The following B4GALT5 variants were observed in gnomAD, a reference collection of about 807,000 sequenced individuals.
The protein encoded by B4GALT5 is UDP-Gal:beta-GlcNAc beta-1,4-galactosyltransferase 5.
B4GALT5 carries 11 observed loss-of-function variants against 45.0 expected under a neutral mutation model. The ratio of observed to expected loss-of-function variants is 0.24; its 90% CI spans 0.15 to 0.40. The LOEUF (loss-of-function observed/expected upper bound fraction) is 0.40. B4GALT5 is among the 10% of genes least tolerant of loss of function. The pLI, the probability that B4GALT5 is intolerant of heterozygous loss-of-function variation, is 1.00. For synonymous variants in B4GALT5, 185 were observed against 182.9 expected (o/e 1.01, Z -0.09); for missense variants, 337 against 500.2 (o/e 0.67, Z 3.11).
At chr20:49,659,523 A>T (rs571397040) in intron 1 of B4GALT5, among the ~76,000 whole-genome samples, 2 of 152,356 alleles carry the variant, frequency 1.3e-5, no homozygotes, top group East Asian at 1.9e-4. Context: ...AAATTAACGT[A>T]AACCACATAG....
chr20:49,665,452 A>G (rs866892055), intron 1 of B4GALT5, among the ~76,000 whole-genome samples: 28 of 135,508 alleles, frequency 2.1e-4, no homozygotes, highest in African/African-American at 6.9e-4. Context: ...AATAATAATA[A>G]TAATAATAAT....
intron 1 of B4GALT5, among the ~76,000 whole-genome samples, chr20:49,658,015 T>A (rs1253898709): frequency 6.6e-6 from 1 of 152,054 alleles, no homozygotes; most frequent in Non-Finnish European, 1.5e-5. Context: ...TTAAGGTATA[T>A]CCCAAGCCAT....
intron 1 of B4GALT5, among the ~76,000 whole-genome samples, chr20:49,675,091 G>C (rs2085732000): frequency 6.6e-6 from 1 of 152,238 alleles, no homozygotes. Context: ...GAGGGGATAA[G>C]AGCAGGGGAG....
chr20:49,639,829 CTG>C (rs779071674), intron 6 of B4GALT5, 29 bp from the exon 7 acceptor site: 86 of 1,609,734 alleles, frequency 5.3e-5, no homozygotes, highest in South Asian at 3.6e-4. Flanking sequence ...CATCAATCAT[CTG>C]TGTGTTACAG....
At chr20:49,640,305 T>C (rs2085571317) in intron 6 of B4GALT5, among the ~76,000 whole-genome samples, 173 bp downstream of exon 6, 1 of 152,246 alleles carries the variant, frequency 6.6e-6, no homozygotes, top group Admixed American at 6.5e-5. Context: ...CACGTATCAG[T>C]ATTTCATTGC....
intron 1 of B4GALT5, among the ~76,000 whole-genome samples, chr20:49,676,428 A>G (rs2085737770): frequency 6.6e-6 from 1 of 152,222 alleles, no homozygotes; most frequent in South Asian, 2.1e-4. Flanking sequence ...GTAATTTCTG[A>G]GATTATGTCT....
intron 1 of B4GALT5, among the ~76,000 whole-genome samples, chr20:49,674,747 G>A (rs1188173801): frequency 1.3e-5 from 2 of 151,386 alleles, no homozygotes; most frequent in African/African-American, 2.4e-5. Context: ...TACCTATAAC[G>A]TCCTATAATG....
intron 1 of B4GALT5, among the ~76,000 whole-genome samples, chr20:49,660,084 TCACAACTTCA>T (rs1235474507): frequency 1.3e-5 from 2 of 152,070 alleles, no homozygotes; most frequent in Non-Finnish European, 1.5e-5. Flanking sequence ...CCCTCCCATA[TCACAACTTCA>T]CACAACTTCA....
At chr20:49,677,658 A>C (rs2085744210) in intron 1 of B4GALT5, among the ~76,000 whole-genome samples, 1 of 152,234 alleles carries the variant, frequency 6.6e-6, no homozygotes, top group Non-Finnish European at 1.5e-5. Context: ...ATTACATATA[A>C]TCAGAACACA....
intron 1 of B4GALT5, among the ~76,000 whole-genome samples, chr20:49,691,503 CAG>C (rs1208885429): frequency 2.6e-5 from 4 of 151,980 alleles, no homozygotes; most frequent in Non-Finnish European, 2.9e-5. Context: ...GCCTGAGTGA[CAG>C]AGTCTCACAA....
intron 1 of B4GALT5, among the ~76,000 whole-genome samples, chr20:49,699,041 G>C (rs550459896): frequency 6.6e-6 from 1 of 152,154 alleles, no homozygotes; most frequent in East Asian, 1.9e-4. Context: ...TAAAGGTATA[G>C]CTTTTACTAT....
intron 2 of B4GALT5, among the ~76,000 whole-genome samples, chr20:49,648,724 C>A (rs1369355400): frequency 3.3e-5 from 5 of 152,116 alleles, no homozygotes; most frequent in African/African-American, 1.2e-4. Flanking sequence ...AGTGTGATGG[C>A]AGATGTCTTT....
Position 49,636,318 on chromosome 20 carries a change from C to A in B4GALT5, c.1161G>T (p.Glu387Asp), listed in dbSNP as rs1314813576. The A allele has an allele frequency of 1.2e-6, 2 of 1,614,104 alleles. No homozygotes were observed. Among genetic ancestry groups the A allele is most frequent in the Non-Finnish European group, 1.7e-6 (2 of 1,179,998 alleles). The change falls in exon 9 of 9, where the codon GAG becomes GAT. Residue 387 changes from glutamate to aspartate, a missense_variant. Glu to Asp is a conservative substitution (Grantham distance 45). This residue lies in a region of B4GALT5 where 163 missense variants were observed against 292.8 expected (regional missense o/e 0.56). Transcript: ENST00000371711. Reference sequence around the variant, plus strand: ...AAACGTACATTCTCTCCTCTCAGTACTCGTTCACCTGAGCCAGCTCGGGTG... The same window carrying A: ...AAACGTACATTCTCTCCTCTCAGTAATCGTTCACCTGAGCCAGCTCGGGTG... ...NLTPELAQVNEY is the reference protein window; with the variant it reads ...NLTPELAQVNDY
intron 1 of B4GALT5, among the ~76,000 whole-genome samples, chr20:49,689,284 T>A (rs570277931): frequency 6.6e-6 from 1 of 152,172 alleles, no homozygotes; most frequent in South Asian, 2.1e-4. Context: ...ATAAGAGAGA[T>A]CCTTAACATA....
Position 49,686,237 on chromosome 20 carries a change from G to T in B4GALT5, c.115+27339C>A, listed in dbSNP as rs547486490. Reference sequence around the variant, plus strand: ...CTCCCTTAGTTTTAGCTCTAATTCTGATCTCTTTATGTCTTTCCTACCTTA... The same window carrying T: ...CTCCCTTAGTTTTAGCTCTAATTCTTATCTCTTTATGTCTTTCCTACCTTA... On this transcript the variant is annotated intron_variant, in intron 1 of 8. Coordinates refer to ENST00000371711, the MANE Select transcript of B4GALT5 (RefSeq NM_004776.4). 2.0e-5 allele frequency among the ~76,000 whole-genome samples: 3 copies of T among 152,212 alleles called. No individual in the cohort carries two copies. The East Asian group carries it at 5.8e-4, about 29-fold the overall frequency.
chr20:49,685,085 C>A (rs2085779965), intron 1 of B4GALT5, among the ~76,000 whole-genome samples: 1 of 152,208 alleles, frequency 6.6e-6, no homozygotes, highest in Non-Finnish European at 1.5e-5. Context: ...CTAAATTACA[C>A]CTTAAAAATC....
At chr20:49,685,924 C>CAAA (rs199658998) in intron 1 of B4GALT5, among the ~76,000 whole-genome samples, 67 of 120,234 alleles carry the variant, frequency 5.6e-4, no homozygotes, top group African/African-American at 1.9e-3. Context: ...GATAAATGTG[C>CAAA]AAAAAAAAAA....
At chr20:49,670,884 T>C (rs1257093288) in intron 1 of B4GALT5, among the ~76,000 whole-genome samples, 1 of 152,188 alleles carries the variant, frequency 6.6e-6, no homozygotes, top group Non-Finnish European at 1.5e-5. Context: ...TACTTTCAGG[T>C]ATTCATCCTA....
intron 1 of B4GALT5, among the ~76,000 whole-genome samples, chr20:49,663,683 A>AAAAG (rs2085674947): frequency 1.3e-5 from 1 of 76,002 alleles, no homozygotes; most frequent in Admixed American, 1.4e-4. Context: ...AAGAAAAAAA[A>AAAAG]AAAAAAAATA....
Sources: allele counts gnomAD v4.1 joint callset (sites outside exome capture counted in the v4.1 genomes callset), GRCh38; gene constraint gnomAD v4.1.1; regional missense constraint gnomAD v4.1.1; transcripts MANE v1.5; gene names NCBI Gene and HGNC (gene_info 2026-07-23, HGNC 2026-07-21).